CAMSAP2: variants seen among roughly 807,000 people sequenced by gnomAD.
CAMSAP2 encodes calmodulin regulated spectrin associated protein family member 2, also known as calmodulin-regulated spectrin-associated protein 2.
A neutral mutation model predicts 146.1 loss-of-function variants in CAMSAP2; 26 were observed. The observed-to-expected ratio is 0.18, with a 90% confidence interval of 0.13 to 0.25. The LOEUF (loss-of-function observed/expected upper bound fraction) is 0.25, where lower values mean the gene tolerates loss of function less well. Among genes scored for constraint, CAMSAP2 ranks in the 10% least tolerant of loss-of-function variants. The probability of loss-of-function intolerance (pLI) is 1.00; values close to 1 mark genes in which losing one functional copy is unlikely to be tolerated. For synonymous variants in CAMSAP2, 499 were observed against 596.6 expected, an observed-to-expected ratio of 0.84 and a Z score of 2.38; for missense variants, 1,381 against 1,759.3, an observed-to-expected ratio of 0.78 and a Z score of 3.85.
intron 1 of CAMSAP2, among the ~76,000 whole-genome samples, chr1:200,753,130 A>C (rs1339431702): frequency 6.6e-6 from 1 of 151,786 alleles, no homozygotes; most frequent in Non-Finnish European, 1.5e-5. Context: ...ACCCATCTCT[A>C]CTAAGTGGTG....
At chr1:200,775,798 T>C (rs780953614) in intron 2 of CAMSAP2, among the ~76,000 whole-genome samples, 5 of 152,200 alleles carry the variant, frequency 3.3e-5, no homozygotes, top group Non-Finnish European at 7.3e-5. Flanking sequence ...CCCAAAGTGC[T>C]GGGATTATGG....
At chr1:200,753,814 TACCACGACCACCAGTTGTCTCTCTGTC>T (rs1191020038) in intron 1 of CAMSAP2, among the ~76,000 whole-genome samples, 2 of 152,178 alleles carry the variant, frequency 1.3e-5, no homozygotes, top group Non-Finnish European at 2.9e-5. Context: ...TCACTGCCAC[TACCACGACCACCAGTTGTCTCTCTGTC>T]AGCAGATGTG....
rs748971172 is a variant in CAMSAP2, at chr1:200,850,105, G to A, written c.3336G>A (p.Leu1112=). The A allele has an allele frequency of 6.2e-7, 1 of 1,614,056 alleles. No homozygotes were observed. Among genetic ancestry groups the A allele is most frequent in the Non-Finnish European group, 8.5e-7 (1 of 1,179,990 alleles). The change falls in exon 11 of 17, where the codon CTG becomes CTA. Residue 1112 remains leucine (L), a synonymous_variant. Coordinates refer to ENST00000358823, the MANE Select transcript of CAMSAP2 (RefSeq NM_203459.4). ...CCACTGCTCCAAAAAATGTTAATCT[G>A]ATTGAAGTTTCCCTCTCAGATTTGA... ...FPPTAPKNVN[L]IEVSLSDLKP...
intron 1 of CAMSAP2, among the ~76,000 whole-genome samples, chr1:200,746,951 C>T (rs748893003): frequency 3.9e-5 from 6 of 151,992 alleles, no homozygotes; most frequent in African/African-American, 7.2e-5. Flanking sequence ...TCACTGTCAC[C>T]CAGGCTGAGT....
intron 4 of CAMSAP2, among the ~76,000 whole-genome samples, chr1:200,823,839 C>A (rs1156680397): frequency 6.6e-6 from 1 of 152,166 alleles, no homozygotes; most frequent in Non-Finnish European, 1.5e-5. Context: ...ATTGGGGATT[C>A]TTCTGTAAGG....
At chr1:200,821,010 A>T (rs1341450106) in intron 4 of CAMSAP2, among the ~76,000 whole-genome samples, 1 of 152,152 alleles carries the variant, frequency 6.6e-6, no homozygotes, top group African/African-American at 2.4e-5. Context: ...ATTCTCAGAT[A>T]CATCATTTCA....
chr1:200,763,811 C>T (rs183903676), intron 2 of CAMSAP2, among the ~76,000 whole-genome samples: 11 of 152,212 alleles, frequency 7.2e-5, no homozygotes, highest in South Asian at 2.1e-4. Context: ...CGTGGTGGCT[C>T]GCGCCTGTAA....
At chr1:200,844,502 C>T (rs555583576) in intron 7 of CAMSAP2, among the ~76,000 whole-genome samples, 27 of 151,856 alleles carry the variant, frequency 1.8e-4, no homozygotes, top group Non-Finnish European at 2.9e-4. Context: ...GAGCTGAGAT[C>T]GCGCCATTGC....
chr1:200,829,703 G>T (rs11803934), intron 4 of CAMSAP2, among the ~76,000 whole-genome samples: 25,719 of 152,114 alleles, frequency 0.17, 2,892 homozygotes, highest in East Asian at 0.35. Flanking sequence ...AAGGCAGGTG[G>T]ATCCTTTGAT....
Position 200,832,191 on chromosome 1 carries a change from A to G in CAMSAP2, c.646-9A>G, listed in dbSNP as rs754583744. ...TTATTTATTTTCATGTATTTTTTTT[A>G]TATCGTAGGCTCGTTATCGGAAAGA... On this transcript the variant is annotated splice_polypyrimidine_tract_variant and intron_variant, in intron 4 of 16. Transcript: ENST00000358823. This position sits in a 1 kb window ranked among gnomAD's most constrained non-coding sequence, Gnocchi z 4.2. 5 of 1,586,432 alleles carry G rather than the reference A, an allele frequency of 3.2e-6. No individual in the cohort carries two copies. Among genetic ancestry groups the G allele is most frequent in the South Asian group, 1.2e-5 (1 of 85,550 alleles).
In CAMSAP2 at chr1:200,744,226, A is replaced by G. The variant is rs1304152070; in HGVS notation, c.139+4260A>G. On this transcript the variant is annotated intron_variant, in intron 1 of 16. Coordinates refer to ENST00000358823, the MANE Select transcript of CAMSAP2 (RefSeq NM_203459.4). ...CTACTGTTCTCTATGGGTAGAAGTC[A>G]AAAAATGGAAAGGAGGCAAATGATA... Among the ~76,000 whole-genome samples the G allele has an allele frequency of 2.0e-5, 3 of 152,230 alleles. No homozygotes were observed. The East Asian group carries it at 5.8e-4, about 29-fold the overall frequency.
intron 2 of CAMSAP2, among the ~76,000 whole-genome samples, chr1:200,775,297 G>A (rs991150514): frequency 2.0e-5 from 3 of 152,220 alleles, no homozygotes; most frequent in East Asian, 3.8e-4. Flanking sequence ...TTTTGGTAGT[G>A]AGCAAGATTG....
At chr1:200,817,206 ACACATACACACATAT>A (rs1666609837) in intron 4 of CAMSAP2, among the ~76,000 whole-genome samples, 2 of 98,088 alleles carry the variant, frequency 2.0e-5, no homozygotes, top group Non-Finnish European at 4.1e-5. Context: ...GTGTGTATAC[ACACATACACACATAT>A]GTGTGTGTAT....
chr1:200,768,986 A>C (rs1278631998), intron 2 of CAMSAP2, among the ~76,000 whole-genome samples: 1 of 152,124 alleles, frequency 6.6e-6, no homozygotes, highest in East Asian at 1.9e-4. Flanking sequence ...TTGAGATGAT[A>C]CCTTGATTTA....
chr1:200,801,245 A>G (rs940344302), intron 2 of CAMSAP2, among the ~76,000 whole-genome samples: 16 of 151,346 alleles, frequency 1.1e-4, no homozygotes, highest in Non-Finnish European at 2.1e-4. Context: ...GCCTGGAGAC[A>G]GAGCAAGACT....
chr1:200,848,143 T>A lies in CAMSAP2; in HGVS notation c.1374T>A (p.Thr458=), dbSNP rs371436383. ...GTTCTATTAGTAATGAAGGACTTACTCTGAACAACAGTCATGTATCTAAAC... is the reference window on the plus strand; with the variant it reads ...GTTCTATTAGTAATGAAGGACTTACACTGAACAACAGTCATGTATCTAAAC... ...ITRSISNEGL[T]LNNSHVSKHI... Residue 458 remains threonine, a synonymous_variant, in exon 11 of 17, where the codon ACT becomes ACA. Transcript: ENST00000358823. 8.7e-6 allele frequency: 14 copies of A among 1,613,658 alleles called. No individual in the cohort carries two copies. The highest frequency in any genetic ancestry group is 1.1e-5 in the Non-Finnish European group (13 of 1,179,714).
intron 3 of CAMSAP2, among the ~76,000 whole-genome samples, chr1:200,808,188 T>A (rs1184597499): frequency 6.6e-6 from 1 of 152,214 alleles, no homozygotes; most frequent in Non-Finnish European, 1.5e-5. Flanking sequence ...TTTCTTACAT[T>A]TCCAGTTAGG....
chr1:200,828,985 A>G (rs1230144741), intron 4 of CAMSAP2, among the ~76,000 whole-genome samples: 1 of 151,856 alleles, frequency 6.6e-6, no homozygotes. Context: ...GAAAAACCCC[A>G]TCTCTACTAA....
At chr1:200,753,295 T>C (rs1335958502) in intron 1 of CAMSAP2, among the ~76,000 whole-genome samples, 2 of 108,076 alleles carry the variant, frequency 1.9e-5, no homozygotes, top group African/African-American at 4.0e-5. Context: ...CAAAACTCCA[T>C]CTCAAAAAAA....
Sources: gnomAD v4.1 joint callset for allele counts (sites outside exome capture counted in the v4.1 genomes callset) on GRCh38, gnomAD v4.1.1 for gene constraint, Gnocchi (gnomAD v3.1) non-coding constraint, MANE v1.5 for transcripts, NCBI Gene and HGNC (gene_info 2026-07-23, HGNC 2026-07-21) for gene names.